FBP2: variants seen among roughly 807,000 people sequenced by gnomAD.
FBP2 encodes the protein fructose-1,6-bisphosphatase isozyme 2.
Under a neutral mutation model 31.6 loss-of-function variants are expected in FBP2, and 27 were observed. The observed-to-expected ratio is 0.85, with a 90% CI of 0.63 to 1.18. The LOEUF (loss-of-function observed/expected upper bound fraction) is 1.18. Among genes scored for constraint, FBP2 ranks in the 50% most tolerant of loss-of-function variants. The probability of loss-of-function intolerance (pLI) is 0.00; values close to 1 mark genes in which losing one functional copy is unlikely to be tolerated. For missense variants in FBP2, 421 were observed against 436.1 expected, an observed-to-expected ratio of 0.97 and a Z score of 0.31; for synonymous variants, 168 against 179.8, an observed-to-expected ratio of 0.93 and a Z score of 0.53.
intron 3 of FBP2, among the ~76,000 whole-genome samples, chr9:94,576,277 T>C (rs1245155834): frequency 1.3e-5 from 2 of 152,208 alleles, no homozygotes; most frequent in Non-Finnish European, 2.9e-5. Context: ...AACCCCTCCC[T>C]TCCCCCGAAA....
intron 3 of FBP2, among the ~76,000 whole-genome samples, chr9:94,583,790 G>C (rs1169608860): frequency 6.6e-6 from 1 of 152,118 alleles, no homozygotes; most frequent in Admixed American, 6.5e-5. Context: ...GTAGAGACGG[G>C]GTTTCACCAT....
chr9:94,590,056 C>T (rs768867493), intron 1 of FBP2, among the ~76,000 whole-genome samples: 33 of 152,124 alleles, frequency 2.2e-4, no homozygotes, highest in Non-Finnish European at 4.6e-4. Context: ...CCTCATCCGC[C>T]TAACCCCACC....
chr9:94,591,513 C>T (rs997975102), intron 1 of FBP2, among the ~76,000 whole-genome samples: 3 of 152,238 alleles, frequency 2.0e-5, no homozygotes, highest in Non-Finnish European at 4.4e-5. Context: ...CCAGTTCCCG[C>T]TCGCACCTCT....
At chr9:94,582,827 C>T (rs988989886) in intron 3 of FBP2, among the ~76,000 whole-genome samples, 1 of 149,742 alleles carries the variant, frequency 6.7e-6, no homozygotes, top group Non-Finnish European at 1.5e-5. Flanking sequence ...GGATTACAGG[C>T]ATGAGCCACC....
At position 94,563,435 on chromosome 9, in the gene FBP2, C is replaced by A. The variant is rs757482217; in HGVS notation, c.732G>T (p.Arg244Ser). 5 of 1,613,842 alleles carry A rather than the reference C, an allele frequency of 3.1e-6. No homozygotes were observed. The highest frequency in any genetic ancestry group is 4.2e-6 in the Non-Finnish European group (5 of 1,179,914). Reference protein sequence around the residue: ...PEDGSAPYGARYVGSMVADVH... With the variant: ...PEDGSAPYGASYVGSMVADVH... Reference sequence around the variant, plus strand: ...CGTCAGCCACCATGGAGCCCACATACCTGGCCCCATAGGGAGCACTGCCAT... The same window carrying A: ...CGTCAGCCACCATGGAGCCCACATAACTGGCCCCATAGGGAGCACTGCCAT... Residue 244 changes from arginine to serine, a missense_variant, in exon 6 of 7, where the codon AGG becomes AGT. Coordinates refer to ENST00000375337, the MANE Select transcript of FBP2 (RefSeq NM_003837.4).
At chr9:94,573,647 G>C (rs1827290841) in intron 3 of FBP2, among the ~76,000 whole-genome samples, 1 of 152,168 alleles carries the variant, frequency 6.6e-6, no homozygotes, top group Non-Finnish European at 1.5e-5. Context: ...TATGAATACT[G>C]GATCAGTCTT....
intron 3 of FBP2, among the ~76,000 whole-genome samples, chr9:94,577,147 C>A (rs10117554): frequency 0.41 from 62,478 of 152,090 alleles, 13,620 homozygotes; most frequent in Admixed American, 0.52. Flanking sequence ...ACAGGAGATA[C>A]ACCCGGGTGG....
In FBP2 at chr9:94,558,893, A is replaced by G; in HGVS notation, c.*45T>C. On this transcript the variant is annotated 3_prime_UTR_variant, in exon 7 of 7. Transcript: ENST00000375337. The stretch of plus-strand genomic sequence containing the variant: ...TTTATCGTTCATTTAGGGTCCTTAG[A>G]CAAGGTGCAAGACAAACAGAAGAGG... 6.3e-7 allele frequency: 1 copy of G among 1,577,118 alleles called. No homozygotes were observed. The highest frequency in any genetic ancestry group is 1.7e-5 in the Admixed American group (1 of 59,778).
chr9:94,591,245 G>C (rs1827497846), intron 1 of FBP2, among the ~76,000 whole-genome samples: 1 of 152,262 alleles, frequency 6.6e-6, no homozygotes, highest in Non-Finnish European at 1.5e-5. Flanking sequence ...TGGAGTGGAT[G>C]GGAGGCTCAG....
chr9:94,574,833 T>C (rs1279444515), intron 3 of FBP2, among the ~76,000 whole-genome samples: 2 of 152,238 alleles, frequency 1.3e-5, no homozygotes, highest in Non-Finnish European at 2.9e-5. Context: ...GTTTTTGTAT[T>C]TGTCTAACAC....
intron 3 of FBP2, chr9:94,572,888 A>C (rs1044091272): frequency 1.3e-5 from 2 of 152,250 alleles, no homozygotes; most frequent in African/African-American, 4.8e-5. Context: ...GCTAATATAT[A>C]GAAATCTAGT....
At chr9:94,582,506 G>A (rs1469725357) in intron 3 of FBP2, among the ~76,000 whole-genome samples, 4 of 150,192 alleles carry the variant, frequency 2.7e-5, no homozygotes, top group Admixed American at 2.0e-4. Context: ...TGTCTCAGCC[G>A]AGTAGCTGGG....
chr9:94,578,002 A>C (rs1564184922), intron 3 of FBP2, among the ~76,000 whole-genome samples: 1 of 152,260 alleles, frequency 6.6e-6, no homozygotes, highest in Non-Finnish European at 1.5e-5. Flanking sequence ...CCAAGTTCGC[A>C]TGAATCTTTG....
intron 2 of FBP2, among the ~76,000 whole-genome samples, chr9:94,586,357 C>A (rs1014307617): frequency 1.3e-5 from 2 of 151,866 alleles, no homozygotes; most frequent in Non-Finnish European, 1.5e-5. Flanking sequence ...CCTGTCCAGC[C>A]GGGCAGTAGA....
intron 5 of FBP2, among the ~76,000 whole-genome samples, chr9:94,566,038 T>C (rs1166391457): frequency 6.6e-6 from 1 of 152,218 alleles, no homozygotes; most frequent in African/African-American, 2.4e-5. Flanking sequence ...ACCGTAGAGT[T>C]CTTCTCCACC....
intron 1 of FBP2, among the ~76,000 whole-genome samples, chr9:94,592,032 T>A (rs1827509394): frequency 6.6e-6 from 1 of 152,126 alleles, no homozygotes; most frequent in South Asian, 2.1e-4. Flanking sequence ...TGTGGATGAA[T>A]CACCCTGAGA....
At chr9:94,589,428 G>A (rs1017170492) in intron 1 of FBP2, among the ~76,000 whole-genome samples, 3 of 152,102 alleles carry the variant, frequency 2.0e-5, no homozygotes, top group Non-Finnish European at 4.4e-5. Context: ...CCTCCTCAGT[G>A]TTCACCACAC....
chr9:94,571,576 C>G lies in FBP2; in HGVS notation c.453G>C (p.Lys151Asn). 3 of 1,613,626 alleles carry G rather than the reference C, an allele frequency of 1.9e-6. No homozygotes were observed. The highest frequency in any genetic ancestry group is 1.7e-5 in the Admixed American group (1 of 59,998). Residue 151 changes from lysine to asparagine, a missense_variant, in exon 4 of 7, where the codon AAG becomes AAC. Physicochemically the swap from Lys to Asn is moderately conservative, Grantham distance 94. Coordinates refer to ENST00000375337, the MANE Select transcript of FBP2 (RefSeq NM_003837.4). ...RKTSEDEPSE[K>N]DALQCGRNIV... ...TATTGCGGCCACACTGCAGGGCATC[C>G]TTTTCAGAAGGCTCATCCTCTGAGG...
intron 1 of FBP2, among the ~76,000 whole-genome samples, chr9:94,588,780 A>T (rs889141877): frequency 6.6e-6 from 1 of 152,072 alleles, no homozygotes; most frequent in Non-Finnish European, 1.5e-5. Context: ...AGTCCCCGCA[A>T]GTGGGTGTCA....
Sources: gnomAD v4.1 joint callset for allele counts (sites outside exome capture counted in the v4.1 genomes callset) on GRCh38, gnomAD v4.1.1 for gene constraint, MANE v1.5 for transcripts, NCBI Gene and HGNC (gene_info 2026-07-23, HGNC 2026-07-21) for gene names.